The following CPSF3 variants were observed in gnomAD, a reference collection of about 807,000 sequenced individuals.
The protein encoded by CPSF3 is cleavage and polyadenylation specificity factor subunit 3.
CPSF3 carries 57 observed loss-of-function variants against 84.1 expected under a neutral mutation model. The ratio of observed to expected loss-of-function variants is 0.68; its 90% CI spans 0.55 to 0.85. The LOEUF (loss-of-function observed/expected upper bound fraction) is 0.85, where lower values mean the gene tolerates loss of function less well. Among genes scored for constraint, CPSF3 ranks in the 40% least tolerant of loss-of-function variants. CPSF3 has a pLI of 0.00. For synonymous variants in CPSF3, 275 were observed against 278.1 expected, an observed-to-expected ratio of 0.99 and a Z score of 0.11; for missense variants, 522 against 838.8, an observed-to-expected ratio of 0.62 and a Z score of 4.66.
intron 15 of CPSF3, among the ~76,000 whole-genome samples, chr2:9,461,212 C>A (rs891010361): frequency 6.6e-6 from 1 of 152,136 alleles, no homozygotes; most frequent in African/African-American, 2.4e-5. Context: ...TGGCTCCTCC[C>A]ATGTGCATGT....
intron 16 of CPSF3, among the ~76,000 whole-genome samples, chr2:9,470,070 A>G (rs1682109903): frequency 6.6e-6 from 1 of 152,118 alleles, no homozygotes; most frequent in African/African-American, 2.4e-5. Context: ...TAAAAATACA[A>G]AAATGAGCCA....
chr2:9,471,509 T>C, intron 17 of CPSF3, 70 bp downstream of exon 17: 3 of 921,672 alleles, frequency 3.3e-6, no homozygotes, highest in Non-Finnish European at 5.4e-6. Context: ...TAATCTGTGC[T>C]CTCACACTCA....
At chr2:9,441,509 C>A (rs1680958929) in intron 8 of CPSF3, among the ~76,000 whole-genome samples, 1 of 152,156 alleles carries the variant, frequency 6.6e-6, no homozygotes, top group African/African-American at 2.4e-5. Context: ...TTGACTCTTC[C>A]TTTTACTTTT....
At position 9,459,579 on chromosome 2, in the gene CPSF3, G is replaced by A. The variant is rs78163118; in HGVS notation, c.1747G>A (p.Val583Met). The A allele has an allele frequency of 6.5e-7, 1 of 1,542,076 alleles. No individual in the cohort carries two copies. The highest frequency in any genetic ancestry group is 1.1e-5 in the South Asian group (1 of 89,186). The change falls in exon 15 of 18, where the codon GTG becomes ATG. Residue 583 changes from valine to methionine, a missense_variant. Val to Met is a conservative substitution (Grantham distance 21). Transcript: ENST00000238112. ...NDMYADTVTT[V>M]ILEVQSNPKI... ...TATGTATGCAGATACAGTAACAACT[G>A]TGATATTGGAAGTTCAGTCAAATCC...
chr2:9,446,911 T>G (rs562027739), intron 10 of CPSF3, among the ~76,000 whole-genome samples: 1 of 152,034 alleles, frequency 6.6e-6, no homozygotes, highest in South Asian at 2.1e-4. Context: ...TCTGCAAGGC[T>G]GAGGTGGAAA....
At chr2:9,463,239 G>A (rs1415745860) in intron 15 of CPSF3, among the ~76,000 whole-genome samples, 2 of 152,188 alleles carry the variant, frequency 1.3e-5, no homozygotes, top group South Asian at 2.1e-4. Context: ...AGCTTTGAGC[G>A]GGGCTGAGAC....
intron 8 of CPSF3, among the ~76,000 whole-genome samples, chr2:9,440,964 C>T (rs1409407876): frequency 6.6e-6 from 1 of 152,240 alleles, no homozygotes; most frequent in East Asian, 1.9e-4. Context: ...AAAATCAAAA[C>T]TTCAGCAGCT....
intron 15 of CPSF3, among the ~76,000 whole-genome samples, chr2:9,463,981 A>G (rs1440352078): frequency 1.3e-5 from 2 of 152,116 alleles, no homozygotes; most frequent in Non-Finnish European, 2.9e-5. Context: ...TTCTTCCTTG[A>G]TGGCATTTTT....
chr2:9,447,488 A>G (rs573116671), intron 10 of CPSF3, among the ~76,000 whole-genome samples: 2 of 151,576 alleles, frequency 1.3e-5, no homozygotes, highest in East Asian at 2.0e-4. Flanking sequence ...CCAAAAATAT[A>G]TCAATATATG....
rs139337028 is a variant in CPSF3 at position 9,436,774 on chromosome 2, A to AAAAAAAAAAATAAAAAATAATAAT, written c.760+415_760+416insAAAAAAAATAAAAAATAATAATAA. Among the ~76,000 whole-genome samples, 203 of 143,012 alleles carry AAAAAAAAAAATAAAAAATAATAAT rather than the reference A, an allele frequency of 1.4e-3. 1 individual carries two copies. The East Asian group carries it at 0.017, about 12-fold the overall frequency. The allele number at this position is 143,012 out of a possible 152,430, so 93.8% of individuals were successfully genotyped here. On this transcript the variant is annotated intron_variant, in intron 7 of 17. Transcript: ENST00000238112. ...CGACAGAGCGAGACTCCATCTCAAA[A>AAAAAAAAAAATAAAAAATAATAAT]AATAATAATAATAATAATAATAGGG...
chr2:9,434,035 A>G, intron 6 of CPSF3, 75 bp downstream of exon 6: 2 of 825,634 alleles, frequency 2.4e-6, no homozygotes, highest in Non-Finnish European at 4.0e-6. Flanking sequence ...TAATACTGTG[A>G]TCTCACTTTC....
rs750890709 is a variant in CPSF3 at position 9,456,913 on chromosome 2, T to A, written c.1604-20T>A. On this transcript the variant is annotated intron_variant, in intron 13 of 17. Transcript: ENST00000238112. ...TTATCAGAAAAGTATATACATCTTATAGTTATGTCTTTCTTTCAGGTGATG... is the reference window on the plus strand; with the variant it reads ...TTATCAGAAAAGTATATACATCTTAAAGTTATGTCTTTCTTTCAGGTGATG... The A allele has an allele frequency of 1.4e-6, 2 of 1,411,268 alleles. No individual in the cohort carries two copies. The highest frequency in any genetic ancestry group is 2.0e-6 in the Non-Finnish European group (2 of 1,010,262). 87.4% of individuals were successfully genotyped at this position (1,411,268 alleles called of 1,614,324 possible).
At chr2:9,469,267 A>G (rs910861811) in intron 16 of CPSF3, among the ~76,000 whole-genome samples, 5 of 152,094 alleles carry the variant, frequency 3.3e-5, no homozygotes, top group African/African-American at 7.2e-5. Context: ...GGGCGGGGGC[A>G]GGGGACACAC....
intron 15 of CPSF3, among the ~76,000 whole-genome samples, chr2:9,467,199 T>G (rs149899614): frequency 1.1e-3 from 162 of 152,308 alleles, no homozygotes; most frequent in African/African-American, 3.4e-3. Context: ...TCAGATTTGT[T>G]TTGGAAGGAA....
At chr2:9,457,354 G>T (rs1681569584) in intron 14 of CPSF3, among the ~76,000 whole-genome samples, 2 of 152,018 alleles carry the variant, frequency 1.3e-5, no homozygotes, top group African/African-American at 4.8e-5. Flanking sequence ...GATGTCTTTA[G>T]TTATATCAGA....
chr2:9,467,352 G>A (rs1682012259), intron 15 of CPSF3, among the ~76,000 whole-genome samples: 1 of 152,096 alleles, frequency 6.6e-6, no homozygotes, highest in South Asian at 2.1e-4. Context: ...TAGAATTCCT[G>A]GAGTTAATTG....
intron 15 of CPSF3, among the ~76,000 whole-genome samples, chr2:9,466,242 A>G (rs541018293): frequency 1.2e-3 from 164 of 136,864 alleles, no homozygotes; most frequent in Middle Eastern, 4.3e-3. Context: ...ACGTGCGCGC[A>G]CGCACGCGCA....
rs70948816 is a variant in CPSF3 at position 9,436,774 on chromosome 2, A to AAATAATAATAATAATAATAATAATAAT, written c.760+435_760+436insATAATAATAATAATAATAATAATAATA. Among the ~76,000 whole-genome samples the AAATAATAATAATAATAATAATAATAAT allele has an allele frequency of 4.6e-3, 659 of 143,026 alleles. 5 individuals are homozygous for AAATAATAATAATAATAATAATAATAAT. The highest frequency in any genetic ancestry group is 0.04 in the Middle Eastern group (11 of 272). 93.8% of individuals were successfully genotyped at this position (143,026 alleles called of 152,430 possible). On this transcript the variant is annotated intron_variant, in intron 7 of 17. Transcript: ENST00000238112. ...CGACAGAGCGAGACTCCATCTCAAA[A>AAATAATAATAATAATAATAATAATAAT]AATAATAATAATAATAATAATAGGG...
At position 9,448,145 on chromosome 2, in the gene CPSF3, T is replaced by C. The variant is rs1486883281; in HGVS notation, c.1243-53T>C. The C allele has an allele frequency of 6.7e-6, 7 of 1,042,562 alleles. No individual in the cohort carries two copies. The East Asian group carries it at 1.8e-4, about 27-fold the overall frequency. The allele number at this position is 1,042,562 out of a possible 1,614,324, so 64.6% of individuals were successfully genotyped here. ...TATATTTAATTCAACTTAAGGACCA[T>C]GATTAAGCTGAATGATGTTTCCATA... On this transcript the variant is annotated intron_variant, in intron 10 of 17. Coordinates refer to ENST00000238112, the MANE Select transcript of CPSF3 (RefSeq NM_016207.4).
Sources: gnomAD v4.1 joint callset for allele counts (sites outside exome capture counted in the v4.1 genomes callset) on GRCh38, gnomAD v4.1.1 for gene constraint, MANE v1.5 for transcripts, NCBI Gene and HGNC (gene_info 2026-07-23, HGNC 2026-07-21) for gene names.